Variants in JAK1 observed in about 807,000 individuals in gnomAD.
JAK1 encodes tyrosine-protein kinase JAK1.
In JAK1, 16 loss-of-function variants were observed where a neutral mutation model predicts 136.6. The ratio of observed to expected loss-of-function variants is 0.12; its 90% CI spans 0.08 to 0.18. JAK1 has a LOEUF of 0.18. Among genes scored for constraint, JAK1 ranks in the 10% least tolerant of loss-of-function variants. The pLI is 1.00. For synonymous variants in JAK1, 492 were observed against 519.5 expected (o/e 0.95, Z 0.72); for missense variants, 859 against 1,450.1 (o/e 0.59, Z 6.62).
chr1:64,932,839 A>C (rs1199017781), intron 1 of JAK1, among the ~76,000 whole-genome samples: 2 of 152,146 alleles, frequency 1.3e-5, no homozygotes, highest in East Asian at 3.9e-4. Context: ...TTCCCCACTG[A>C]CATCTGACTC....
chr1:64,950,911 C>CTGA (rs1296120119), intron 1 of JAK1, among the ~76,000 whole-genome samples: 1 of 152,212 alleles, frequency 6.6e-6, no homozygotes, highest in African/African-American at 2.4e-5. Context: ...CTTAAACACT[C>CTGA]TGATTCCTTT....
chr1:64,873,329 A>G (rs1290617794), intron 5 of JAK1, 41 bp downstream of exon 5: 1 of 1,612,526 alleles, frequency 6.2e-7, no homozygotes, highest in East Asian at 2.2e-5. Flanking sequence ...TGCCTCTCCC[A>G]TCCCACAAAC....
At chr1:65,031,961 C>CTTTTTTT (rs68164546) in intron 2 of JAK1, among the ~76,000 whole-genome samples, 27 of 135,298 alleles carry the variant, frequency 2.0e-4, no homozygotes, top group Non-Finnish European at 2.4e-4. Flanking sequence ...TTTTCTTTTT[C>CTTTTTTT]TTTTTTTTTT....
rs926024384 is a variant in JAK1, at chr1:64,984,309, AGAG to A, written c.-78+60168_-78+60170del. Among the ~76,000 whole-genome samples, 4 of 152,116 alleles carry A rather than the reference AGAG, an allele frequency of 2.6e-5. No homozygotes were observed. Among genetic ancestry groups the A allele is most frequent in the Admixed American group, 2.6e-4 (4 of 15,260 alleles). On this transcript the variant is annotated intron_variant, in intron 2 of 25. Coordinates refer to the JAK1 transcript ENST00000671954. The surrounding 1 kb of genome is among the most constrained non-coding windows in gnomAD (Gnocchi z 4.1). Reference sequence around the variant, plus strand: ...TTACTTTTCCTCCCCTATATCCCCTAGAGGGCAATATTAGAACCCAAGGGAGAA... The same window carrying A: ...TTACTTTTCCTCCCCTATATCCCCTAGGCAATATTAGAACCCAAGGGAGAA...
intron 2 of JAK1, among the ~76,000 whole-genome samples, chr1:64,981,985 T>A (rs1646549992): frequency 6.6e-6 from 1 of 152,158 alleles, no homozygotes; most frequent in Non-Finnish European, 1.5e-5. Context: ...GAAAGTTGAC[T>A]CCATGAACTT....
intron 1 of JAK1, among the ~76,000 whole-genome samples, chr1:64,951,586 A>G (rs1048429039): frequency 6.6e-6 from 1 of 151,674 alleles, no homozygotes; most frequent in African/African-American, 2.4e-5. Context: ...CTTAAAGCAT[A>G]CCAATGCAGG....
rs370223168 is a variant in JAK1, at chr1:64,839,529, T to C, written c.2842+74A>G. 8.4e-5 allele frequency: 111 copies of C among 1,325,052 alleles called. No individual in the cohort carries two copies. The African/African-American group carries it at 1.3e-3, about 16-fold the overall frequency. 82.1% of individuals were successfully genotyped at this position (1,325,052 alleles called of 1,614,324 possible). A position where few individuals can be genotyped will look rare whatever the true frequency, so the allele number is the denominator to read the frequency against. ...CGCCCAGGTAAGGCCACGGAGTGCC[T>C]GTTTTGCACTGGCCTTTATGACCCT... On this transcript the variant is annotated intron_variant, in intron 20 of 24. Coordinates refer to ENST00000342505, the MANE Select transcript of JAK1 (RefSeq NM_002227.4).
chr1:65,011,172 G>T (rs1646845670), intron 2 of JAK1, among the ~76,000 whole-genome samples: 1 of 152,088 alleles, frequency 6.6e-6, no homozygotes. Flanking sequence ...ATTTTAAAAG[G>T]AAGAGTTAAA....
chr1:64,924,658 CTGTT>C (rs1645552256), intron 1 of JAK1, among the ~76,000 whole-genome samples: 1 of 152,182 alleles, frequency 6.6e-6, no homozygotes. Flanking sequence ...TAAAATTCCT[CTGTT>C]TGTTCTGAAG....
At chr1:64,938,867 C>T (rs1044547102) in intron 1 of JAK1, among the ~76,000 whole-genome samples, 1 of 152,176 alleles carries the variant, frequency 6.6e-6, no homozygotes, top group Non-Finnish European at 1.5e-5. Flanking sequence ...CCCCCCAAAA[C>T]AGAATCACGG....
At chr1:64,931,333 A>G (rs952204999) in intron 1 of JAK1, among the ~76,000 whole-genome samples, 1 of 151,760 alleles carries the variant, frequency 6.6e-6, no homozygotes. Context: ...GTTCAACCGC[A>G]CTCCATGCAG....
chr1:64,878,565 A>ATATG (rs1644715224), intron 4 of JAK1, among the ~76,000 whole-genome samples: 1 of 17,762 alleles, frequency 5.6e-5, no homozygotes, highest in African/African-American at 3.2e-4. Context: ...TAGTGTGTAT[A>ATATG]TATATATATA....
At chr1:65,002,827 T>C (rs1334118796) in intron 2 of JAK1, among the ~76,000 whole-genome samples, 1 of 152,132 alleles carries the variant, frequency 6.6e-6, no homozygotes, top group African/African-American at 2.4e-5. Context: ...CCCCGGCCCC[T>C]CGCAGAGTCC....
Position 65,058,722 on chromosome 1 carries a change from A to T in JAK1, c.-181+8882T>A, listed in dbSNP as rs371685029. Among the ~76,000 whole-genome samples, 3 of 152,274 alleles carry T rather than the reference A, an allele frequency of 2.0e-5. No homozygotes were observed. In the East Asian group the frequency reaches 5.8e-4, roughly 29 times the overall value. On this transcript the variant is annotated intron_variant, in intron 1 of 25. Coordinates refer to the JAK1 transcript ENST00000671954. ...AATTAGAATGAAAGATGAACACATGACTTATCCATATTAATGAGGATGAAC... is the reference window on the plus strand; with the variant it reads ...AATTAGAATGAAAGATGAACACATGTCTTATCCATATTAATGAGGATGAAC...
At chr1:64,879,374 C>T (rs532152371) in intron 3 of JAK1, among the ~76,000 whole-genome samples, 23 of 152,260 alleles carry the variant, frequency 1.5e-4, no homozygotes, top group African/African-American at 4.8e-4. Context: ...TAGCTCCTGG[C>T]AAACCAAATT....
intron 2 of JAK1, among the ~76,000 whole-genome samples, chr1:65,020,409 A>C (rs1247988257): frequency 2.6e-5 from 4 of 152,178 alleles, no homozygotes; most frequent in African/African-American, 9.7e-5. Context: ...TGCAATGTGT[A>C]CTACAGACAA....
chr1:65,050,172 T>C (rs747725541), intron 1 of JAK1, among the ~76,000 whole-genome samples: 9 of 152,204 alleles, frequency 5.9e-5, no homozygotes, highest in Non-Finnish European at 1.2e-4. Flanking sequence ...AGTTTTCTAC[T>C]GTGAACTCCA....
At chr1:64,919,478 C>T (rs999394954) in intron 1 of JAK1, among the ~76,000 whole-genome samples, 5 of 152,132 alleles carry the variant, frequency 3.3e-5, no homozygotes, top group Admixed American at 6.5e-5. Context: ...TATAAACATA[C>T]GTGTGCATGT....
At chr1:64,890,940 G>A (rs576258992) in intron 1 of JAK1, among the ~76,000 whole-genome samples, 3 of 152,194 alleles carry the variant, frequency 2.0e-5, no homozygotes, top group African/African-American at 7.2e-5. Flanking sequence ...TCTTAGGCAA[G>A]TTAGTTAATA....
Sources: gnomAD v4.1 joint callset for allele counts (sites outside exome capture counted in the v4.1 genomes callset) on GRCh38, gnomAD v4.1.1 for gene constraint, Gnocchi (gnomAD v3.1) non-coding constraint, MANE v1.5 for transcripts, NCBI Gene and HGNC (gene_info 2026-07-23, HGNC 2026-07-21) for gene names.